Variants in SLC20A2 observed in about 807,000 individuals in gnomAD.
SLC20A2 encodes the protein sodium-dependent phosphate transporter 2.
Under a neutral mutation model 61.0 loss-of-function variants are expected in SLC20A2, and 30 were observed. That is an observed-to-expected ratio of 0.49 (90% CI 0.37 to 0.67). SLC20A2 has a LOEUF of 0.67. Among genes scored for constraint, SLC20A2 ranks in the 30% least tolerant of loss-of-function variants. The pLI, the probability that SLC20A2 is intolerant of heterozygous loss-of-function variation, is 0.00. For synonymous variants in SLC20A2, 351 were observed against 353.3 expected (o/e 0.99, Z 0.07); for missense variants, 626 against 866.4 (o/e 0.72, Z 3.48).
intron 1 of SLC20A2, chr8:42,485,009 G>T: frequency 3.9e-6 from 1 of 256,166 alleles, no homozygotes; most frequent in Non-Finnish European, 7.8e-6. Flanking sequence ...GCAAACCTAA[G>T]CCCAGAGTGA....
chr8:42,530,304 T>C (rs1307545422), intron 1 of SLC20A2, among the ~76,000 whole-genome samples: 2 of 152,112 alleles, frequency 1.3e-5, no homozygotes, highest in African/African-American at 4.8e-5. Flanking sequence ...CAGCAACTTT[T>C]AAAAAAGCAA....
At chr8:42,478,227 T>C (rs1218635678) in intron 1 of SLC20A2, among the ~76,000 whole-genome samples, 1 of 150,178 alleles carries the variant, frequency 6.7e-6, no homozygotes, top group East Asian at 1.9e-4. Flanking sequence ...TTTTTTTTTT[T>C]TTGAGATGTA....
chr8:42,537,830 T>C (rs1812805779), intron 1 of SLC20A2: 1 of 152,206 alleles, frequency 6.6e-6, no homozygotes, highest in Non-Finnish European at 1.5e-5. Context: ...AGAGCATCTC[T>C]TACAGCTGCA....
intron 1 of SLC20A2, chr8:42,484,928 C>A: frequency 2.4e-6 from 1 of 409,896 alleles, no homozygotes; most frequent in Non-Finnish European, 4.9e-6. Context: ...CACAAAAAGG[C>A]CTCCAGGCCA....
At chr8:42,467,274 T>C (rs1309233375) in intron 2 of SLC20A2, among the ~76,000 whole-genome samples, 1 of 152,254 alleles carries the variant, frequency 6.6e-6, no homozygotes, top group Non-Finnish European at 1.5e-5. Context: ...GTGTTGGCTT[T>C]GTGTCCTTTT....
chr8:42,468,044 A>C (rs1448106955), intron 2 of SLC20A2, among the ~76,000 whole-genome samples: 1 of 151,700 alleles, frequency 6.6e-6, no homozygotes, highest in African/African-American at 2.4e-5. Context: ...CTGGGACTAC[A>C]GGTGCCCGCT....
intron 1 of SLC20A2, among the ~76,000 whole-genome samples, chr8:42,528,258 G>A (rs889481840): frequency 5.3e-5 from 8 of 152,090 alleles, no homozygotes; most frequent in South Asian, 2.1e-4. Context: ...TCAGGAGATC[G>A]AGACCATCCT....
intron 5 of SLC20A2, among the ~76,000 whole-genome samples, chr8:42,455,590 G>A (rs1806134170): frequency 6.6e-6 from 1 of 151,410 alleles, no homozygotes; most frequent in Non-Finnish European, 1.5e-5. Context: ...AACCCAGGAG[G>A]TGGAGCTTGC....
chr8:42,436,403 C>T (rs765881955), intron 8 of SLC20A2, among the ~76,000 whole-genome samples: 11 of 152,180 alleles, frequency 7.2e-5, no homozygotes, highest in Non-Finnish European at 8.8e-5. Flanking sequence ...TTGCCAAGGC[C>T]ACGGCTCCGA....
At position 42,465,843 on chromosome 8, in the gene SLC20A2, T is replaced by C; in HGVS notation, c.364A>G (p.Thr122Ala). Residue 122 changes from threonine (T) to alanine (A), a missense_variant, in exon 3 of 11, where the codon ACT (threonine) becomes GCT (alanine). Around this residue, in one of 3 missense-constraint regions of SLC20A2, gnomAD observed 127 missense variants for 215.4 expected, o/e 0.59. Coordinates refer to ENST00000520262, the MANE Select transcript of SLC20A2 (RefSeq NM_001257180.2). The part of the protein sequence containing the change: ...ISGTHCIVGS[T>A]IGFSLVAIGT... Reference sequence around the variant, plus strand: ...ATTGCGACCAGTGAGAATCCTATAGTAGAACCCACAATGCAGTGCGTTCCT... The same window carrying C: ...ATTGCGACCAGTGAGAATCCTATAGCAGAACCCACAATGCAGTGCGTTCCT... 6.2e-7 allele frequency: 1 copy of C among 1,613,914 alleles called. No homozygotes were observed. The highest frequency in any genetic ancestry group is 8.5e-7 in the Non-Finnish European group (1 of 1,179,924).
At chr8:42,535,124 T>C (rs1341486325) in intron 1 of SLC20A2, 1 of 152,228 alleles carries the variant, frequency 6.6e-6, no homozygotes, top group Non-Finnish European at 1.5e-5. Flanking sequence ...TTTTGACTAT[T>C]CTTCCGTGAA....
intron 10 of SLC20A2, 102 bp from the exon 11 acceptor site, chr8:42,418,069 T>G: frequency 1.2e-6 from 1 of 851,320 alleles, no homozygotes; most frequent in Non-Finnish European, 1.8e-6. Flanking sequence ...AGTACAACAT[T>G]ACCCAGTCCC....
chr8:42,500,782 C>T (rs1810266695), intron 1 of SLC20A2, among the ~76,000 whole-genome samples: 1 of 152,124 alleles, frequency 6.6e-6, no homozygotes, highest in African/African-American at 2.4e-5. Context: ...AAATAATAAT[C>T]TACAGATTGC....
At chr8:42,427,044 C>T (rs985841872) in intron 10 of SLC20A2, among the ~76,000 whole-genome samples, 1 of 152,256 alleles carries the variant, frequency 6.6e-6, no homozygotes. Flanking sequence ...AAATAACCCA[C>T]ATTAGGAAAC....
At chr8:42,421,821 C>G (rs185384249) in intron 10 of SLC20A2, among the ~76,000 whole-genome samples, 2 of 152,162 alleles carry the variant, frequency 1.3e-5, no homozygotes, top group East Asian at 3.9e-4. Context: ...AAAAGAAATA[C>G]TGAATATCAT....
intron 1 of SLC20A2, among the ~76,000 whole-genome samples, chr8:42,523,460 T>C (rs1811725571): frequency 6.6e-6 from 1 of 152,222 alleles, no homozygotes; most frequent in Admixed American, 6.5e-5. Context: ...AAATTTGCTG[T>C]TCTGGTTATA....
In SLC20A2 at chr8:42,507,050, A is replaced by G. The variant is rs532054091; in HGVS notation, c.-264-34396T>C. Among the ~76,000 whole-genome samples, 5 of 152,360 alleles carry G rather than the reference A, an allele frequency of 3.3e-5. No individual in the cohort carries two copies. In the East Asian group the frequency reaches 9.6e-4, roughly 29 times the overall value. ...CCGCTGAGCACCTGATGGGTGGGTC[A>G]GGCCATCGTAAACCACACAGCCAGC... On this transcript the variant is annotated intron_variant, in intron 1 of 10. Coordinates refer to the SLC20A2 transcript ENST00000342228.
At chr8:42,483,661 C>T (rs1808725427) in intron 1 of SLC20A2, among the ~76,000 whole-genome samples, 1 of 152,196 alleles carries the variant, frequency 6.6e-6, no homozygotes, top group Admixed American at 6.5e-5. Flanking sequence ...GGATTCCCCG[C>T]CCTCCCAGAT....
intron 1 of SLC20A2, among the ~76,000 whole-genome samples, chr8:42,524,701 G>T (rs1051346291): frequency 6.6e-6 from 1 of 151,902 alleles, no homozygotes; most frequent in Non-Finnish European, 1.5e-5. Context: ...CAGGAGAATC[G>T]CTTGAACCCG....
Sources: gnomAD v4.1 joint callset for allele counts (sites outside exome capture counted in the v4.1 genomes callset) on GRCh38, gnomAD v4.1.1 for gene constraint, gnomAD v4.1.1 regional missense constraint, MANE v1.5 for transcripts, NCBI Gene and HGNC (gene_info 2026-07-23, HGNC 2026-07-21) for gene names.